The following NWD1 variants were observed in gnomAD, a reference collection of about 807,000 sequenced individuals.
NWD1 encodes NACHT domain- and WD repeat-containing protein 1.
NWD1 carries 129 observed loss-of-function variants against 135.1 expected under a neutral mutation model. The observed-to-expected ratio is 0.96, with a 90% CI of 0.83 to 1.11. The LOEUF is 1.11. NWD1 is among the 50% of genes least tolerant of loss of function. NWD1 has a pLI of 0.00. For missense variants in NWD1, 1,740 were observed against 1,851.3 expected, an observed-to-expected ratio of 0.94 and a Z score of 1.10; for synonymous variants, 773 against 786.0, an observed-to-expected ratio of 0.98 and a Z score of 0.28.
chr19:16,723,524 G>A (rs1967213826), intron 1 of NWD1, among the ~76,000 whole-genome samples: 1 of 151,930 alleles, frequency 6.6e-6, no homozygotes, highest in Non-Finnish European at 1.5e-5. Flanking sequence ...GTGTTGCCCA[G>A]GCTGGTCTTG....
chr19:16,813,827 G>T (rs1970995327), intron 18 of NWD1, among the ~76,000 whole-genome samples: 1 of 151,786 alleles, frequency 6.6e-6, no homozygotes, highest in Non-Finnish European at 1.5e-5. Flanking sequence ...GTGTCTCTTG[G>T]TCTGTTCAGT....
intron 5 of NWD1, chr19:16,745,256 T>C: frequency 3.0e-6 from 1 of 334,676 alleles, no homozygotes; most frequent in Non-Finnish European, 5.9e-6. Flanking sequence ...CTATCCCCCA[T>C]GATTCAATTA....
At chr19:16,728,693 C>T (rs1359901778) in intron 2 of NWD1, among the ~76,000 whole-genome samples, 2 of 151,812 alleles carry the variant, frequency 1.3e-5, no homozygotes, top group Non-Finnish European at 2.9e-5. Context: ...ACCTGTAATC[C>T]CAGCACTTTG....
At position 16,744,423 on chromosome 19, in the gene NWD1, C is replaced by T. The variant is rs1968213928; in HGVS notation, c.201C>T (p.Ala67=). ...ATCTGTGACTTCCTCTCTGCCAGGC[C>T]CTCATCGGTGATCAGTACGGCCCCT... ...WKTSIGPAFV[A]LIGDQYGPCL... The change falls in exon 5 of 19, where the codon GCC becomes GCT. Residue 67 remains alanine (A), a splice_region_variant and synonymous_variant. Transcript: ENST00000524140. The T allele has an allele frequency of 3.3e-6, 5 of 1,535,356 alleles. No individual in the cohort carries two copies. In the African/African-American group the frequency reaches 6.9e-5, roughly 21 times the overall value.
In NWD1 at chr19:16,750,396, A is replaced by G. The variant is rs150379147; in HGVS notation, c.1754A>G (p.Tyr585Cys). ...CTCCTCGTGGCCCACGTGCTGGGCT[A>G]CATTGTGTCTTCCCGGTAAGTCTCT... ...GQLLVAHVLG[Y>C]IVSSRHGLSE... Residue 585 changes from tyrosine (Y) to cysteine (C), a missense_variant, in exon 6 of 19, where the codon TAC becomes TGC. Tyr to Cys is a radical substitution (Grantham distance 194). Transcript: ENST00000524140. The G allele has an allele frequency of 1.7e-4, 261 of 1,566,468 alleles. 4 individuals are homozygous for G. The East Asian group carries it at 5.7e-3, about 34-fold the overall frequency.
Position 16,719,890 on chromosome 19 carries a change from A to G in NWD1, c.-508A>G, listed in dbSNP as rs1967077884. ...GCAAGGAGAGACCCATAAAATACCT[A>G]AGACGAAAGTTACTAGGATAGCCAG... On this transcript the variant is annotated 5_prime_UTR_variant, in exon 1 of 19. Coordinates refer to ENST00000524140, the MANE Select transcript of NWD1 (RefSeq NM_001007525.5). 6.6e-6 allele frequency: 1 copy of G among 152,158 alleles called. No homozygotes were observed. The highest frequency in any genetic ancestry group is 1.5e-5 in the Non-Finnish European group (1 of 68,030). 9.4% of individuals were successfully genotyped at this position (152,158 alleles called of 1,614,324 possible).
intron 7 of NWD1, among the ~76,000 whole-genome samples, chr19:16,761,377 T>C (rs1969006214): frequency 6.6e-6 from 1 of 151,618 alleles, no homozygotes; most frequent in Non-Finnish European, 1.5e-5. Context: ...TCCTTCTTTC[T>C]CTTTTTTTCC....
chr19:16,725,945 GT>G (rs71180318), intron 2 of NWD1, among the ~76,000 whole-genome samples: 63,593 of 148,044 alleles, frequency 0.43, 13,537 homozygotes, highest in Middle Eastern at 0.6. Flanking sequence ...TAGCTACATT[GT>G]TTTTTTTTTG....
At chr19:16,757,772 G>A (rs1968852611) in intron 6 of NWD1, among the ~76,000 whole-genome samples, 1 of 152,176 alleles carries the variant, frequency 6.6e-6, no homozygotes, top group South Asian at 2.1e-4. Flanking sequence ...GAATTTTGCA[G>A]GCCAGGTGCA....
chr19:16,746,110 T>G (rs1037056242), intron 5 of NWD1, among the ~76,000 whole-genome samples: 1 of 151,782 alleles, frequency 6.6e-6, no homozygotes, highest in Non-Finnish European at 1.5e-5. Flanking sequence ...ATCCCAGCAC[T>G]TTGGGAGTCT....
intron 9 of NWD1, 152 bp downstream of exon 9, chr19:16,764,097 G>A (rs1453116759): frequency 1.7e-6 from 1 of 598,528 alleles, no homozygotes; most frequent in African/African-American, 1.9e-5. Flanking sequence ...ACACCCAGGG[G>A]ATGCCTTACA....
In NWD1 at chr19:16,807,999, T is replaced by C; in HGVS notation, c.4150T>C (p.Leu1384=). The change falls in exon 18 of 19, where the codon TTG becomes CTG. Residue 1384 remains leucine (L), a synonymous_variant. Transcript: ENST00000524140. ...GTGTGCAACTTCCAAAGCGTTTCCC[T>C]TGGAGACCCACAGGAGCCGAGTTGC... ...YECATSKAFP[L]ETHRSRVACV... 3 of 1,614,130 alleles carry C rather than the reference T, an allele frequency of 1.9e-6. No individual in the cohort carries two copies. The highest frequency in any genetic ancestry group is 1.1e-5 in the South Asian group (1 of 91,078).
intron 16 of NWD1, among the ~76,000 whole-genome samples, chr19:16,799,278 C>A (rs1328276338): frequency 6.6e-6 from 1 of 152,210 alleles, no homozygotes; most frequent in Non-Finnish European, 1.5e-5. Flanking sequence ...TCACTGCAAT[C>A]TCTGCCTCCC....
At chr19:16,784,884 G>A (rs551012377) in intron 12 of NWD1, among the ~76,000 whole-genome samples, 58 of 151,596 alleles carry the variant, frequency 3.8e-4, no homozygotes, top group African/African-American at 1.3e-3. Context: ...AGCCGAGATC[G>A]CGCCACTGCA....
rs1969482811 is a variant in NWD1, at chr19:16,773,324, G to A, written c.2608+1G>A. On this transcript the variant is annotated splice_donor_variant, in intron 11 of 18. Coordinates refer to ENST00000524140, the MANE Select transcript of NWD1 (RefSeq NM_001007525.5). LOFTEE classifies it high-confidence loss of function. ...GCAACTCTCAGCGGCTGTCACAAAG[G>A]TGAGTCTCCCCAGCATAGCAAAAAT... The A allele has an allele frequency of 1.2e-6, 2 of 1,611,292 alleles. No individual in the cohort carries two copies. Among genetic ancestry groups the A allele is most frequent in the Non-Finnish European group, 1.7e-6 (2 of 1,179,502 alleles).
chr19:16,750,237 A>G lies in NWD1; in HGVS notation c.1595A>G (p.Asn532Ser). ...LLWASLPECG[N>S]PGRLRLAFEE... is the part of the protein sequence containing the mutation. Reference sequence around the variant, plus strand: ...TGGGCCAGCCTCCCAGAGTGTGGGAACCCAGGGCGGCTGAGGCTGGCGTTT... The same window carrying G: ...TGGGCCAGCCTCCCAGAGTGTGGGAGCCCAGGGCGGCTGAGGCTGGCGTTT... The change falls in exon 6 of 19, where the codon AAC becomes AGC. Residue 532 changes from asparagine (N) to serine (S), a missense_variant. Transcript: ENST00000524140. 6.2e-7 allele frequency: 1 copy of G among 1,613,434 alleles called. No homozygotes were observed. Among genetic ancestry groups the G allele is most frequent in the Non-Finnish European group, 8.5e-7 (1 of 1,179,832 alleles).
At chr19:16,783,503 A>G (rs1256039708) in intron 12 of NWD1, among the ~76,000 whole-genome samples, 1 of 151,940 alleles carries the variant, frequency 6.6e-6, no homozygotes, top group Non-Finnish European at 1.5e-5. Flanking sequence ...GCGTGGTGAT[A>G]TATACCTGTA....
intron 6 of NWD1, among the ~76,000 whole-genome samples, 194 bp from the exon 7 acceptor site, chr19:16,759,031 A>G (rs962813514): frequency 3.6e-5 from 5 of 138,728 alleles, no homozygotes; most frequent in East Asian, 2.1e-4. Context: ...AAAAAAAAAA[A>G]TCGGAAAAGG....
rs1376542940 is a variant in NWD1 at position 16,815,603 on chromosome 19, A to C, written c.*564A>C. On this transcript the variant is annotated 3_prime_UTR_variant, in exon 19 of 19. Coordinates refer to ENST00000524140, the MANE Select transcript of NWD1 (RefSeq NM_001007525.5). ...GAAAAGAGAGCTTCTCTTTCCCAACAGTCCTAGCCTCAACTCTACTGGTCC... is the reference window on the plus strand; with the variant it reads ...GAAAAGAGAGCTTCTCTTTCCCAACCGTCCTAGCCTCAACTCTACTGGTCC... 1.8e-5 allele frequency: 7 copies of C among 396,884 alleles called. No individual in the cohort carries two copies. Among genetic ancestry groups the C allele is most frequent in the Middle Eastern group, 7.2e-4 (1 of 1,380 alleles). The allele number at this position is 396,884 out of a possible 1,614,324, so 24.6% of individuals were successfully genotyped here. A position where few individuals can be genotyped will look rare whatever the true frequency, so the allele number is the denominator to read the frequency against.
Sources: allele counts gnomAD v4.1 joint callset (sites outside exome capture counted in the v4.1 genomes callset), GRCh38; gene constraint gnomAD v4.1.1; transcripts MANE v1.5; gene names NCBI Gene and HGNC (gene_info 2026-07-23, HGNC 2026-07-21).